ABCC2: variants seen among roughly 807,000 people sequenced by gnomAD.
ABCC2 encodes the protein ATP binding cassette subfamily C member 2.
Under a neutral mutation model 173.4 loss-of-function variants are expected in ABCC2, and 157 were observed. That is an observed-to-expected ratio of 0.91 (90% CI 0.80 to 1.03). ABCC2 has a LOEUF of 1.03. Among genes scored for constraint, ABCC2 ranks in the 50% least tolerant of loss-of-function variants. ABCC2 has a pLI of 0.00. For missense variants in ABCC2, 1,822 were observed against 1,852.3 expected (o/e 0.98, Z 0.30); for synonymous variants, 657 against 693.5 (o/e 0.95, Z 0.83).
chr10:99,798,159 A>G lies in ABCC2; in HGVS notation c.867+828A>G, dbSNP rs1336476829. ...GCAGAGGAGTAATGAGACTGGATTC[A>G]TGCTGTGAAAAGCTTACTTGGGCGG... On this transcript the variant is annotated intron_variant, in intron 7 of 31. Transcript: ENST00000647814. 2.0e-5 allele frequency: 3 copies of G among 152,296 alleles called. No individual in the cohort carries two copies. The East Asian group carries it at 5.8e-4, about 29-fold the overall frequency. 9.4% of individuals were successfully genotyped at this position (152,296 alleles called of 1,614,324 possible). A position where few individuals can be genotyped will look rare whatever the true frequency, so the allele number is the denominator to read the frequency against.
At chr10:99,846,868 G>A in intron 29 of ABCC2, 93 bp from the exon 30 acceptor site, 2 of 1,535,900 alleles carry the variant, frequency 1.3e-6, no homozygotes, top group Non-Finnish European at 1.8e-6. Context: ...ATCCATCTCA[G>A]GCCAGTCCTA....
rs113321977 is a variant in ABCC2, at chr10:99,844,280, G to C, written c.3844-42G>C. On this transcript the variant is annotated intron_variant, in intron 27 of 31. Coordinates refer to ENST00000647814, the MANE Select transcript of ABCC2 (RefSeq NM_000392.5). ...CCTGGGTGGACTGTTCGGCTGAGTT[G>C]CCACCTTATAAAACTTACTTCTCAT... The C allele has an allele frequency of 3.1e-6, 5 of 1,612,922 alleles. No homozygotes were observed. The African/African-American group carries it at 4.0e-5, about 13-fold the overall frequency.
rs747631052 is a variant in ABCC2 at position 99,792,301 on chromosome 10, G to A, written c.275G>A (p.Gly92Glu). The change falls in exon 3 of 32, where the codon GGA becomes GAA. Residue 92 changes from glycine (G) to glutamate (E), a missense_variant. Physicochemically the swap from Gly to Glu is moderately conservative, Grantham distance 98 (BLOSUM62 -2). Transcript: ENST00000647814. ...GCCCTTGTACTCACAGAAGACTCTG[G>A]ACAAGCCACAGTCCCTGCTGTTCGA... ...ELALVLTEDS[G>E]QATVPAVRYT... 1 of 1,614,006 alleles carries A rather than the reference G, an allele frequency of 6.2e-7. No individual in the cohort carries two copies. The highest frequency in any genetic ancestry group is 8.5e-7 in the Non-Finnish European group (1 of 1,179,992).
intron 19 of ABCC2, among the ~76,000 whole-genome samples, chr10:99,826,695 A>G (rs374356728): frequency 0.011 from 1,008 of 90,888 alleles, no homozygotes; most frequent in Admixed American, 0.018. Context: ...CTGTTCTTGT[A>G]CCCCATCAAT....
At chr10:99,806,073 C>CTCTCTGTG (rs779146023) in intron 11 of ABCC2, among the ~76,000 whole-genome samples, 2 of 42,910 alleles carry the variant, frequency 4.7e-5, no homozygotes, top group Non-Finnish European at 8.5e-5. Context: ...CTCTCTCTCT[C>CTCTCTGTG]TGTCTGTGTG....
At chr10:99,816,456 G>A (rs1357238900) in intron 16 of ABCC2, among the ~76,000 whole-genome samples, 1 of 151,952 alleles carries the variant, frequency 6.6e-6, no homozygotes, top group South Asian at 2.1e-4. Flanking sequence ...GCTACTTTTT[G>A]TGTTTTTAGC....
At chr10:99,812,470 A>G (rs769600138) in intron 15 of ABCC2, among the ~76,000 whole-genome samples, 5 of 152,232 alleles carry the variant, frequency 3.3e-5, no homozygotes, top group Non-Finnish European at 5.9e-5. Context: ...GTGGGCCCCT[A>G]CTCAGCCAGA....
intron 2 of ABCC2, chr10:99,789,110 AT>A (rs2037769381): frequency 6.5e-6 from 1 of 152,994 alleles, no homozygotes; most frequent in East Asian, 1.9e-4. Context: ...CGGAGAGAAC[AT>A]GATTCTGGTC....
intron 19 of ABCC2, among the ~76,000 whole-genome samples, chr10:99,826,538 G>C (rs1056178261): frequency 1.3e-5 from 2 of 151,192 alleles, no homozygotes; most frequent in Non-Finnish European, 2.9e-5. Context: ...TTTTTTCCCA[G>C]GCTCTAAGGC....
intron 10 of ABCC2, 125 bp downstream of exon 10, chr10:99,804,398 TC>T: frequency 7.8e-7 from 1 of 1,280,354 alleles, no homozygotes; most frequent in Non-Finnish European, 1.1e-6. Flanking sequence ...TTCTACCATC[TC>T]AATTGTACTT....
chr10:99,786,292 TAAAATA>T (rs1299016246), intron 2 of ABCC2, among the ~76,000 whole-genome samples: 3 of 151,724 alleles, frequency 2.0e-5, no homozygotes, highest in African/African-American at 7.3e-5. Context: ...AAAAATAAAA[TAAAATA>T]AAAATAAAAA....
Position 99,843,846 on chromosome 10 carries a change from G to C in ABCC2, c.3789G>C (p.Glu1263Asp), listed in dbSNP as rs773589868. The C allele has an allele frequency of 6.2e-7, 1 of 1,614,170 alleles. No homozygotes were observed. The highest frequency in any genetic ancestry group is 8.5e-7 in the Non-Finnish European group (1 of 1,180,022). The part of the protein sequence containing the change: ...NWLVRMTSEI[E>D]TNIVAVERIT... ...TGGTGAGGATGACATCAGAAATAGA[G>C]ACCAACATTGTGGCTGTTGAGCGAA... is the stretch of plus-strand genomic sequence containing the variant. The change falls in exon 27 of 32, where the codon GAG becomes GAC. Residue 1263 changes from glutamate (E) to aspartate (D), a missense_variant. Transcript: ENST00000647814.
chr10:99,822,473 G>A (rs1167278582), intron 19 of ABCC2, among the ~76,000 whole-genome samples: 2 of 151,736 alleles, frequency 1.3e-5, no homozygotes, highest in African/African-American at 4.9e-5. Flanking sequence ...ATCTCCGATG[G>A]GTTCATTGTA....
chr10:99,835,202 GA>G (rs1252710587), intron 24 of ABCC2, among the ~76,000 whole-genome samples: 1 of 152,146 alleles, frequency 6.6e-6, no homozygotes, highest in Admixed American at 6.5e-5. Flanking sequence ...TTTGCCTGGG[GA>G]AACAATTCTG....
chr10:99,814,152 TGTATACACAC>T lies in ABCC2; in HGVS notation c.2094+1014_2094+1023del, dbSNP rs1374871258. On this transcript the variant is annotated intron_variant, in intron 16 of 31. Coordinates refer to ENST00000647814, the MANE Select transcript of ABCC2 (RefSeq NM_000392.5). Reference sequence around the variant, plus strand: ...ATGTGTGTATATATACACACATGTATGTATACACACGTATATATACACACATGTATGTATA... The same window carrying T: ...ATGTGTGTATATATACACACATGTATGTATATATACACACATGTATGTATA... Among the ~76,000 whole-genome samples, 2 of 48,670 alleles carry T rather than the reference TGTATACACAC, an allele frequency of 4.1e-5. 1 individual carries two copies. Among genetic ancestry groups the T allele is most frequent in the East Asian group, 1.9e-3 (2 of 1,042 alleles). 31.9% of individuals were successfully genotyped at this position (48,670 alleles called of 152,430 possible). A position where few individuals can be genotyped will look rare whatever the true frequency, so the allele number is the denominator to read the frequency against.
intron 25 of ABCC2, among the ~76,000 whole-genome samples, chr10:99,838,304 A>T (rs1345870657): frequency 3.1e-4 from 15 of 47,984 alleles, no homozygotes; most frequent in South Asian, 1.4e-3. Flanking sequence ...CACCTCCCGG[A>T]CGGGGCGGCT....
chr10:99,842,221 C>G (rs1170811638), intron 26 of ABCC2, 128 bp downstream of exon 26: 3 of 1,317,014 alleles, frequency 2.3e-6, no homozygotes, highest in Non-Finnish European at 3.2e-6. Context: ...GACTGAGGTT[C>G]AAACCCTGGC....
intron 12 of ABCC2, among the ~76,000 whole-genome samples, chr10:99,807,835 T>C (rs547604828): frequency 1.1e-4 from 17 of 152,096 alleles, no homozygotes; most frequent in African/African-American, 3.6e-4. Context: ...TGTAGGTCTA[T>C]AGTGGAAGGA....
At chr10:99,790,190 G>A (rs1590139297) in intron 2 of ABCC2, among the ~76,000 whole-genome samples, 1 of 152,284 alleles carries the variant, frequency 6.6e-6, no homozygotes, top group Admixed American at 6.5e-5. Flanking sequence ...CCTCAAAGAG[G>A]CTTTCCTTGG....
Sources: allele counts gnomAD v4.1 joint callset (sites outside exome capture counted in the v4.1 genomes callset), GRCh38; gene constraint gnomAD v4.1.1; transcripts MANE v1.5; gene names NCBI Gene and HGNC (gene_info 2026-07-23, HGNC 2026-07-21).